The following UBR3 variants were observed in gnomAD, a reference collection of about 807,000 sequenced individuals.
UBR3 encodes the protein ubiquitin protein ligase E3 component n-recognin 3, also known as E3 ubiquitin-protein ligase UBR3.
Under a neutral mutation model 243.2 loss-of-function variants are expected in UBR3, and 85 were observed. The observed-to-expected ratio is 0.35, with a 90% CI of 0.29 to 0.42. UBR3 has a LOEUF of 0.42. Ranked by LOEUF, UBR3 falls within the 10% of genes least tolerant of loss-of-function variation. The pLI, the probability that UBR3 is intolerant of heterozygous loss-of-function variation, is 1.00. For synonymous variants in UBR3, 748 were observed against 799.8 expected (o/e 0.94, Z 1.09); for missense variants, 1,686 against 2,300.8 (o/e 0.73, Z 5.47).
chr2:169,855,360 T>A lies in UBR3; in HGVS notation c.546-16876T>A, dbSNP rs540179706. On this transcript the variant is annotated intron_variant, in intron 1 of 38. Coordinates refer to ENST00000272793, the MANE Select transcript of UBR3 (RefSeq NM_172070.4). ...TTTTAATTTTTTAATTTTTATTTTT[T>A]TTAGTATTTATTGATCATTCTTGGG... Among the ~76,000 whole-genome samples the A allele has an allele frequency of 2.0e-5, 3 of 152,290 alleles. No homozygotes were observed. The East Asian group carries it at 5.8e-4, about 29-fold the overall frequency.
chr2:169,925,623 G>T lies in UBR3; in HGVS notation c.2027G>T (p.Ser676Ile), dbSNP rs897972209. 2 of 1,547,672 alleles carry T rather than the reference G, an allele frequency of 1.3e-6. No individual in the cohort carries two copies. The highest frequency in any genetic ancestry group is 1.7e-6 in the Non-Finnish European group (2 of 1,145,642). ...LMIHPLQIQASLAEIHSNMWV... is the reference protein window; with the variant it reads ...LMIHPLQIQAILAEIHSNMWV... ...TGTCCAATTTACTTTTATTAGGCAA[G>T]TCTTGCAGAAATCCACAGCAATATG... Residue 676 changes from serine (S) to isoleucine (I), a missense_variant, in exon 14 of 39, where the codon AGT becomes ATT. Around this residue, in one of 8 missense-constraint regions of UBR3, gnomAD observed 346 missense variants for 585.8 expected, o/e 0.59. Coordinates refer to ENST00000272793, the MANE Select transcript of UBR3 (RefSeq NM_172070.4).
intron 32 of UBR3, among the ~76,000 whole-genome samples, chr2:170,045,834 T>C (rs866943394): frequency 8.5e-5 from 13 of 152,154 alleles, no homozygotes; most frequent in Non-Finnish European, 1.9e-4. Context: ...GTCTTCAGTA[T>C]GTATCTCTAA....
intron 18 of UBR3, among the ~76,000 whole-genome samples, chr2:169,930,227 A>G (rs903658149): frequency 1.9e-4 from 29 of 152,118 alleles, no homozygotes; most frequent in African/African-American, 7.0e-4. Context: ...GAAATCTGGG[A>G]ATCTGCTTTT....
intron 24 of UBR3, among the ~76,000 whole-genome samples, chr2:169,958,787 G>C (rs547299429): frequency 4.7e-4 from 72 of 152,150 alleles, no homozygotes; most frequent in Non-Finnish European, 7.1e-4. Flanking sequence ...TCTGTTAAAC[G>C]GTCTTTAGAT....
chr2:169,859,943 T>TGCCAA (rs1369151289), intron 1 of UBR3, among the ~76,000 whole-genome samples: 1 of 152,070 alleles, frequency 6.6e-6, no homozygotes, highest in Non-Finnish European at 1.5e-5. Context: ...GTTCTGGATC[T>TGCCAA]CCTGACCTTG....
chr2:169,843,363 T>A (rs1559009293), intron 1 of UBR3, among the ~76,000 whole-genome samples: 4 of 152,204 alleles, frequency 2.6e-5, no homozygotes, highest in Non-Finnish European at 4.4e-5. Context: ...AAGGGGCAGA[T>A]CTTGTGTCCT....
intron 25 of UBR3, among the ~76,000 whole-genome samples, chr2:169,988,196 C>T (rs890300082): frequency 2.6e-5 from 4 of 152,112 alleles, no homozygotes; most frequent in Admixed American, 6.5e-5. Context: ...CTTTCAACTT[C>T]GTGATTAAAT....
At position 170,007,185 on chromosome 2, in the gene UBR3, T is replaced by A. The variant is rs1471161890; in HGVS notation, c.4225T>A (p.Phe1409Ile). 1 of 1,595,342 alleles carries A rather than the reference T, an allele frequency of 6.3e-7. No homozygotes were observed. The highest frequency in any genetic ancestry group is 1.8e-5 in the Admixed American group (1 of 57,076). The change falls in exon 28 of 39, where the codon TTC (phenylalanine) becomes ATC (isoleucine). Residue 1409 changes from phenylalanine to isoleucine, a missense_variant. Phe to Ile is a conservative substitution (Grantham distance 21). This residue lies in a region of UBR3 where 371 missense variants were observed against 422.5 expected (regional missense o/e 0.88). Coordinates refer to ENST00000272793, the MANE Select transcript of UBR3 (RefSeq NM_172070.4). ...VEELQGRPGA[F>I]PSETNLSKEM... ...GGAGCTGCAGGGACGACCGGGAGCT[T>A]TCCCAGTAAGCATCAGTGTAAGGCA...
chr2:170,023,619 G>A (rs1041820023), intron 30 of UBR3, among the ~76,000 whole-genome samples: 31 of 151,522 alleles, frequency 2.0e-4, no homozygotes, highest in African/African-American at 7.5e-4. Flanking sequence ...TTGAGACGGA[G>A]TCTTGCTCTG....
chr2:170,008,937 C>T lies in UBR3; in HGVS notation c.4364C>T (p.Ala1455Val). ...DNDFLFMYSVARTNLELELIH... is the reference protein window; with the variant it reads ...DNDFLFMYSVVRTNLELELIH... ...GATTTTCTCTTTATGTACTCTGTTG[C>T]TAGGTAGGTATATATAGTGTATACT... Residue 1455 changes from alanine to valine, a missense_variant, in exon 29 of 39, where the codon GCT (alanine) becomes GTT (valine). Transcript: ENST00000272793. The T allele has an allele frequency of 6.3e-7, 1 of 1,586,158 alleles. No homozygotes were observed.
At position 170,055,566 on chromosome 2, in the gene UBR3, C is replaced by A; in HGVS notation, c.4767C>A (p.His1589Gln). 1 of 1,613,316 alleles carries A rather than the reference C, an allele frequency of 6.2e-7. No individual in the cohort carries two copies. The highest frequency in any genetic ancestry group is 1.7e-4 in the Middle Eastern group (1 of 6,058). The change falls in exon 33 of 39, where the codon CAC becomes CAA. Residue 1589 changes from histidine (H) to glutamine (Q), a missense_variant. Around this residue, in one of 8 missense-constraint regions of UBR3, gnomAD observed 371 missense variants for 422.5 expected, o/e 0.88. Transcript: ENST00000272793. ...AAGAAGATAGGTCAGCCTGGAAACACGCGGGAGCTCTCAAAAAGGTTAGGC... is the reference window on the plus strand; with the variant it reads ...AAGAAGATAGGTCAGCCTGGAAACAAGCGGGAGCTCTCAAAAAGGTTAGGC... ...CSEEDRSAWK[H>Q]AGALKKSTCD...
chr2:169,930,905 C>T (rs559793438), intron 18 of UBR3, among the ~76,000 whole-genome samples: 1 of 152,254 alleles, frequency 6.6e-6, no homozygotes, highest in South Asian at 2.1e-4. Flanking sequence ...AAAGTGGCCC[C>T]TGTTATACAT....
At chr2:169,933,395 T>C (rs1048229259) in intron 19 of UBR3, among the ~76,000 whole-genome samples, 8 of 152,218 alleles carry the variant, frequency 5.3e-5, no homozygotes, top group Non-Finnish European at 8.8e-5. Flanking sequence ...AACATATTTC[T>C]GTGTTCATGA....
intron 1 of UBR3, among the ~76,000 whole-genome samples, chr2:169,835,989 CA>C (rs1308720494): frequency 1.8e-5 from 1 of 55,098 alleles, no homozygotes; most frequent in East Asian, 7.9e-4. Flanking sequence ...TTCCTGTGTG[CA>C]CTGTCTCTCT....
intron 32 of UBR3, among the ~76,000 whole-genome samples, chr2:170,043,414 A>T (rs912795240): frequency 6.6e-6 from 1 of 152,194 alleles, no homozygotes; most frequent in African/African-American, 2.4e-5. Flanking sequence ...AACCAAACTT[A>T]CTGAATTTAA....
chr2:169,967,244 C>CCG (rs2087858630), intron 24 of UBR3, among the ~76,000 whole-genome samples: 2 of 112,238 alleles, frequency 1.8e-5, no homozygotes, highest in Non-Finnish European at 3.7e-5. Flanking sequence ...CCCCCACCCC[C>CCG]CTACAGGGTA....
chr2:169,906,881 G>A (rs2085030118), intron 10 of UBR3, among the ~76,000 whole-genome samples: 1 of 152,060 alleles, frequency 6.6e-6, no homozygotes, highest in Non-Finnish European at 1.5e-5. Flanking sequence ...GGACAGTAAA[G>A]CCTGCTCTTT....
chr2:170,015,436 C>T, intron 30 of UBR3, 70 bp downstream of exon 30: 1 of 1,280,152 alleles, frequency 7.8e-7, no homozygotes, highest in Non-Finnish European at 1.1e-6. Flanking sequence ...GGAAAAGTGA[C>T]ATTTTGGTAT....
intron 35 of UBR3, among the ~76,000 whole-genome samples, chr2:170,069,186 C>T (rs2091643810): frequency 6.6e-6 from 1 of 152,002 alleles, no homozygotes; most frequent in Admixed American, 6.6e-5. Context: ...ACTACAAACC[C>T]ATGTCTCCCA....
Sources: allele counts gnomAD v4.1 joint callset (sites outside exome capture counted in the v4.1 genomes callset), GRCh38; gene constraint gnomAD v4.1.1; regional missense constraint gnomAD v4.1.1; transcripts MANE v1.5; gene names NCBI Gene and HGNC (gene_info 2026-07-23, HGNC 2026-07-21).